MAN2A1: variants seen among roughly 807,000 people sequenced by gnomAD.
The protein encoded by MAN2A1 is mannosidase alpha class 2A member 1.
Under a neutral mutation model 142.6 loss-of-function variants are expected in MAN2A1, and 76 were observed. The observed-to-expected ratio is 0.53, with a 90% CI of 0.44 to 0.65. The LOEUF is 0.65. MAN2A1 is among the 30% of genes least tolerant of loss of function. The probability of loss-of-function intolerance (pLI) is 0.00; values close to 1 mark genes in which losing one functional copy is unlikely to be tolerated. For missense variants in MAN2A1, 1,311 were observed against 1,365.1 expected (o/e 0.96, Z 0.62); for synonymous variants, 559 against 473.2 (o/e 1.18, Z -2.35).
chr5:109,692,860 C>G (rs924807452), intron 1 of MAN2A1, among the ~76,000 whole-genome samples: 12 of 152,120 alleles, frequency 7.9e-5, no homozygotes, highest in Admixed American at 2.6e-4. Flanking sequence ...CTCAGATCAT[C>G]AGGCGTTAGA....
At chr5:109,709,223 A>G (rs1056820152) in intron 1 of MAN2A1, among the ~76,000 whole-genome samples, 1 of 152,192 alleles carries the variant, frequency 6.6e-6, no homozygotes, top group African/African-American at 2.4e-5. Context: ...ATTAAGTTCA[A>G]CCTTACGAAA....
Position 109,842,322 on chromosome 5 carries a change from A to AT in MAN2A1, c.2567-3dup, listed in dbSNP as rs775685000. 32 of 1,512,138 alleles carry AT rather than the reference A, an allele frequency of 2.1e-5. No homozygotes were observed. In the African/African-American group the frequency reaches 3.8e-4, roughly 18 times the overall value. The allele number at this position is 1,512,138 out of a possible 1,614,324, so 93.7% of individuals were successfully genotyped here. A position where few individuals can be genotyped will look rare whatever the true frequency, so the allele number is the denominator to read the frequency against. On this transcript the variant is annotated splice_region_variant and splice_polypyrimidine_tract_variant and intron_variant, in intron 16 of 21. Transcript: ENST00000261483. ...TATTAATCCATATATATTTTTTTAA[A>AT]TTTAGGAATAGAAGGACAGTCTGTG... is the stretch of plus-strand genomic sequence containing the variant.
At chr5:109,711,020 G>A (rs1315343709) in intron 1 of MAN2A1, among the ~76,000 whole-genome samples, 1 of 152,076 alleles carries the variant, frequency 6.6e-6, no homozygotes, top group African/African-American at 2.4e-5. Flanking sequence ...TAGAGATGGG[G>A]TTTCACCATG....
chr5:109,748,253 G>A (rs1582854902), intron 4 of MAN2A1, among the ~76,000 whole-genome samples: 1 of 152,134 alleles, frequency 6.6e-6, no homozygotes, highest in African/African-American at 2.4e-5. Flanking sequence ...ATCACAGTAT[G>A]TTATACAACT....
At chr5:109,713,009 T>C (rs1411433037) in intron 1 of MAN2A1, among the ~76,000 whole-genome samples, 1 of 152,228 alleles carries the variant, frequency 6.6e-6, no homozygotes, top group African/African-American at 2.4e-5. Context: ...ATGTTCATGC[T>C]TATGGCTGAA....
chr5:109,832,948 A>C (rs1282234908), intron 16 of MAN2A1, among the ~76,000 whole-genome samples: 3 of 151,740 alleles, frequency 2.0e-5, no homozygotes, highest in Non-Finnish European at 4.4e-5. Context: ...CTCACCTCCC[A>C]GACGGGGTGG....
At chr5:109,855,446 A>G in intron 20 of MAN2A1, 112 bp downstream of exon 20, 1 of 634,852 alleles carries the variant, frequency 1.6e-6, no homozygotes, top group Non-Finnish European at 2.4e-6. Context: ...TTGAGGAATT[A>G]TTAACAGGGC....
At chr5:109,827,606 C>G (rs1472386634) in intron 16 of MAN2A1, among the ~76,000 whole-genome samples, 2 of 152,204 alleles carry the variant, frequency 1.3e-5, no homozygotes, top group Non-Finnish European at 1.5e-5. Flanking sequence ...TATCTGCATT[C>G]TCTCCAGATT....
chr5:109,817,399 T>C lies in MAN2A1; in HGVS notation c.2070T>C (p.Val690=). 1 of 1,614,094 alleles carries C rather than the reference T, an allele frequency of 6.2e-7. No homozygotes were observed. Among genetic ancestry groups the C allele is most frequent in the Non-Finnish European group, 8.5e-7 (1 of 1,179,974 alleles). ...GKPVEVQVSA[V]WDTANTISET... is the part of the protein sequence containing the mutation. ...CTGTGGAAGTTCAAGTCAGCGCAGTTTGGGATACAGCAAATACTATTTCAG... is the reference window on the plus strand; with the variant it reads ...CTGTGGAAGTTCAAGTCAGCGCAGTCTGGGATACAGCAAATACTATTTCAG... Residue 690 remains valine (V), a synonymous_variant, in exon 13 of 22, where the codon GTT becomes GTC. Transcript: ENST00000261483.
intron 16 of MAN2A1, among the ~76,000 whole-genome samples, chr5:109,834,018 A>AT (rs1418319137): frequency 6.6e-6 from 1 of 151,882 alleles, no homozygotes; most frequent in African/African-American, 2.4e-5. Flanking sequence ...TGCTTGTTTT[A>AT]TTTTTTTTAT....
intron 1 of MAN2A1, among the ~76,000 whole-genome samples, chr5:109,713,223 T>C (rs1391030386): frequency 2.6e-5 from 4 of 152,208 alleles, no homozygotes; most frequent in African/African-American, 9.7e-5. Context: ...AAAGATATTT[T>C]AGGACTGAGT....
At chr5:109,836,089 TAATAAC>T (rs1482844893) in intron 16 of MAN2A1, among the ~76,000 whole-genome samples, 1 of 150,636 alleles carries the variant, frequency 6.6e-6, no homozygotes, top group East Asian at 2.0e-4. Flanking sequence ...TTTCTTTTAA[TAATAAC>T]AATAATAATA....
intron 4 of MAN2A1, among the ~76,000 whole-genome samples, chr5:109,743,344 C>G (rs535486263): frequency 6.6e-6 from 1 of 152,260 alleles, no homozygotes; most frequent in Non-Finnish European, 1.5e-5. Flanking sequence ...ACTTCTTGTT[C>G]TCTAGTTAGT....
intron 12 of MAN2A1, among the ~76,000 whole-genome samples, chr5:109,803,096 C>G (rs147276375): frequency 6.6e-6 from 1 of 151,958 alleles, no homozygotes; most frequent in African/African-American, 2.4e-5. Context: ...TTAAATCATT[C>G]TTTTCTTCAA....
At chr5:109,822,748 G>A (rs1184846501) in intron 15 of MAN2A1, among the ~76,000 whole-genome samples, 1 of 152,030 alleles carries the variant, frequency 6.6e-6, no homozygotes, top group Non-Finnish European at 1.5e-5. Context: ...CGCGATCTCA[G>A]CTCACTGCAA....
chr5:109,866,258 A>G (rs1755879986), intron 21 of MAN2A1, among the ~76,000 whole-genome samples: 1 of 103,098 alleles, frequency 9.7e-6, no homozygotes, highest in Non-Finnish European at 2.2e-5. Flanking sequence ...AGGGGGTTAT[A>G]CGATCCAGAG....
chr5:109,820,317 T>A lies in MAN2A1; in HGVS notation c.2426T>A (p.Leu809His). Residue 809 changes from leucine to histidine, a missense_variant, in exon 15 of 22, where the codon CTC becomes CAC. By Grantham distance (99) the Leu-to-His change is moderately conservative. Transcript: ENST00000261483. Reference sequence around the variant, plus strand: ...AAAAGAGACAAAAGTGGTGCCTACCTCTTCTTACCTGATGGTAATGCCAAG... The same window carrying A: ...AAAAGAGACAAAAGTGGTGCCTACCACTTCTTACCTGATGGTAATGCCAAG... ...TIKRDKSGAY[L>H]FLPDGNAKPY... The A allele has an allele frequency of 6.2e-7, 1 of 1,613,168 alleles. No individual in the cohort carries two copies. The highest frequency in any genetic ancestry group is 8.5e-7 in the Non-Finnish European group (1 of 1,179,458).
chr5:109,709,240 A>G (rs1751228482), intron 1 of MAN2A1, among the ~76,000 whole-genome samples: 1 of 152,224 alleles, frequency 6.6e-6, no homozygotes, highest in African/African-American at 2.4e-5. Flanking sequence ...GAAATTGGTG[A>G]TATTTGACTA....
chr5:109,762,192 G>C (rs3797691), intron 5 of MAN2A1, among the ~76,000 whole-genome samples: 1 of 152,088 alleles, frequency 6.6e-6, no homozygotes, highest in East Asian at 1.9e-4. Context: ...AGTGTTTAAA[G>C]CTATCTTCTC....
Sources: allele counts gnomAD v4.1 joint callset (sites outside exome capture counted in the v4.1 genomes callset), GRCh38; gene constraint gnomAD v4.1.1; transcripts MANE v1.5; gene names NCBI Gene and HGNC (gene_info 2026-07-23, HGNC 2026-07-21).